SRCAP: variants seen among roughly 807,000 people sequenced by gnomAD.
The protein encoded by SRCAP is Snf2 related CREBBP activator protein.
A neutral mutation model predicts 263.1 loss-of-function variants in SRCAP; 46 were observed. That is an observed-to-expected ratio of 0.17 (90% CI 0.14 to 0.22). The LOEUF is 0.22. Among genes scored for constraint, SRCAP ranks in the 10% least tolerant of loss-of-function variants. The pLI is 1.00. For missense variants in SRCAP, 3,695 were observed against 4,181.9 expected, an observed-to-expected ratio of 0.88 and a Z score of 3.21; for synonymous variants, 1,813 against 1,662.1, an observed-to-expected ratio of 1.09 and a Z score of -2.21.
intron 3 of SRCAP, among the ~76,000 whole-genome samples, chr16:30,703,580 G>A (rs138829955): frequency 3.2e-4 from 49 of 151,908 alleles, no homozygotes; most frequent in African/African-American, 1.1e-3. Flanking sequence ...ACTTGGCTCT[G>A]CCATCTTGAG....
In SRCAP at chr16:30,729,498, C is replaced by T; in HGVS notation, c.6053C>T (p.Ala2018Val). 6.2e-7 allele frequency: 1 copy of T among 1,614,212 alleles called. No individual in the cohort carries two copies. Among genetic ancestry groups the T allele is most frequent in the South Asian group, 1.1e-5 (1 of 91,084 alleles). Residue 2018 changes from alanine to valine, a missense_variant, in exon 27 of 34, where the codon GCT (alanine) becomes GTT (valine). By Grantham distance (64) the Ala-to-Val change is moderately conservative (BLOSUM62 0). This residue lies in a region of SRCAP where 1,347 missense variants were observed against 1,304.4 expected (regional missense o/e 1.03). Coordinates refer to ENST00000262518, the MANE Select transcript of SRCAP (RefSeq NM_006662.3). Reference protein sequence around the residue: ...EQLASELWPRARPLHRIVCNM... With the variant: ...EQLASELWPRVRPLHRIVCNM... ...TTGGCCTCTGAGCTCTGGCCCCGGG[C>T]TCGTCCTTTGCACCGTATTGTGTGT...
chr16:30,734,578 A>T lies in SRCAP; in HGVS notation c.6692A>T (p.Glu2231Val), dbSNP rs1213321146. ...SVPSAPEEEEETVASKQTHIL... is the reference protein window; with the variant it reads ...SVPSAPEEEEVTVASKQTHIL... ...CCCTCTGCCCCTGAAGAGGAGGAAG[A>T]GACTGTGGCCAGCAAGCAGACTCAT... The change falls in exon 31 of 34, where the codon GAG becomes GTG. Residue 2231 changes from glutamate (E) to valine (V), a missense_variant. Physicochemically the swap from Glu to Val is moderately radical, Grantham distance 121. Coordinates refer to ENST00000262518, the MANE Select transcript of SRCAP (RefSeq NM_006662.3). 14 of 1,613,972 alleles carry T rather than the reference A, an allele frequency of 8.7e-6. No individual in the cohort carries two copies.
At position 30,722,580 on chromosome 16, in the gene SRCAP, G is replaced by A. The variant is rs556605523; in HGVS notation, c.3724G>A (p.Val1242Met). The A allele has an allele frequency of 8.7e-6, 14 of 1,613,956 alleles. No individual in the cohort carries two copies. The highest frequency in any genetic ancestry group is 1.3e-5 in the African/African-American group (1 of 74,974). Residue 1242 changes from valine (V) to methionine (M), a missense_variant, in exon 23 of 34, where the codon GTG becomes ATG. Around this residue, in one of 12 missense-constraint regions of SRCAP, gnomAD observed 1,347 missense variants for 1,304.4 expected, o/e 1.03. Transcript: ENST00000262518. ...TAACCCAGGGAATGTGGTGCACCTCGTGTCAGCAGGGGGGCAGCACCATCT... is the reference window on the plus strand; with the variant it reads ...TAACCCAGGGAATGTGGTGCACCTCATGTCAGCAGGGGGGCAGCACCATCT... ...RPLQRNVVHL[V>M]SAGGQHHLIS...
At chr16:30,736,114 G>T in intron 31 of SRCAP, 86 bp from the exon 32 acceptor site, 1 of 1,535,454 alleles carries the variant, frequency 6.5e-7, no homozygotes, top group Non-Finnish European at 8.8e-7. Context: ...GTGTACGCTT[G>T]GTCTCAAGTT....
Position 30,739,347 on chromosome 16 carries a change from G to A in SRCAP, c.9307G>A (p.Gly3103Arg), listed in dbSNP as rs774049834. ...DLDLADSGPG[G>R]LELTPPVVSL... The stretch of plus-strand genomic sequence containing the variant: ...GGACTTAGCAGATAGCGGGCCAGGC[G>A]GGTTGGAATTGACACCACCTGTGGT... Residue 3103 changes from glycine to arginine, a missense_variant, in exon 34 of 34, where the codon GGG (glycine) becomes AGG (arginine). Physicochemically the swap from Gly to Arg is moderately radical, Grantham distance 125. Transcript: ENST00000262518. 36 of 1,614,038 alleles carry A rather than the reference G, an allele frequency of 2.2e-5. No individual in the cohort carries two copies. Among genetic ancestry groups the A allele is most frequent in the Non-Finnish European group, 2.9e-5 (34 of 1,180,008 alleles).
chr16:30,701,624 T>C (rs1335052183), intron 3 of SRCAP, among the ~76,000 whole-genome samples: 2 of 150,808 alleles, frequency 1.3e-5, no homozygotes, highest in Non-Finnish European at 2.9e-5. Flanking sequence ...TTGTTTTCCA[T>C]TTTTTTCTTT....
In SRCAP at chr16:30,710,791, A is replaced by G; in HGVS notation, c.1172A>G (p.Lys391Arg). ...CCCTCTGCTGTCACACAGCGCAACAAACAGCCTTGGCATCCAGATGAAGAT... is the reference window on the plus strand; with the variant it reads ...CCCTCTGCTGTCACACAGCGCAACAGACAGCCTTGGCATCCAGATGAAGAT... Reference protein sequence around the residue: ...PPPSAVTQRNKQPWHPDEDDE... With the variant: ...PPPSAVTQRNRQPWHPDEDDE... Residue 391 changes from lysine (K) to arginine (R), a missense_variant, in exon 9 of 34, where the codon AAA becomes AGA. Around this residue, in one of 12 missense-constraint regions of SRCAP, gnomAD observed 288 missense variants for 302.4 expected, o/e 0.95. Coordinates refer to ENST00000262518, the MANE Select transcript of SRCAP (RefSeq NM_006662.3). 2.5e-6 allele frequency: 4 copies of G among 1,614,152 alleles called. No individual in the cohort carries two copies. The highest frequency in any genetic ancestry group is 1.1e-5 in the South Asian group (1 of 91,078).
At chr16:30,702,873 C>T (rs1017618050) in intron 3 of SRCAP, among the ~76,000 whole-genome samples, 8 of 151,712 alleles carry the variant, frequency 5.3e-5, no homozygotes, top group South Asian at 2.1e-4. Context: ...CAAAGTCCAC[C>T]GAGCCCAGCT....
At position 30,703,149 on chromosome 16, in the gene SRCAP, C is replaced by CTATATATATATATA. The variant is rs368190667; in HGVS notation, c.55-909_55-896dup. Among the ~76,000 whole-genome samples the CTATATATATATATA allele has an allele frequency of 4.0e-3, 572 of 143,344 alleles. 3 individuals are homozygous for CTATATATATATATA. The highest frequency in any genetic ancestry group is 0.014 in the African/African-American group (550 of 38,660). 94.0% of individuals were successfully genotyped at this position (143,344 alleles called of 152,430 possible). On this transcript the variant is annotated intron_variant, in intron 3 of 33. Coordinates refer to ENST00000262518, the MANE Select transcript of SRCAP (RefSeq NM_006662.3). Reference sequence around the variant, plus strand: ...AACGATCAGAATTTGAAATCATATGCTATATATATATATATATATGTATGT... The same window carrying CTATATATATATATA: ...AACGATCAGAATTTGAAATCATATGCTATATATATATATATATATATATATATATATATGTATGT...
At chr16:30,703,958 TTACTC>T in intron 3 of SRCAP, 101 bp from the exon 4 acceptor site, 2 of 1,358,018 alleles carry the variant, frequency 1.5e-6, no homozygotes, top group East Asian at 2.3e-5. Context: ...GGTTTATACC[TTACTC>T]TACACAGTTT....
intron 6 of SRCAP, among the ~76,000 whole-genome samples, chr16:30,708,859 C>A (rs1345696527): frequency 6.6e-6 from 1 of 152,004 alleles, no homozygotes; most frequent in Non-Finnish European, 1.5e-5. Context: ...TCGCTTTGTT[C>A]CCAGGCTGGA....
rs1472337308 is a variant in SRCAP, at chr16:30,700,689, C to T, written c.-136C>T. On this transcript the variant is annotated 5_prime_UTR_variant, in exon 3 of 34. Transcript: ENST00000262518. Reference sequence around the variant, plus strand: ...GGCCCCGGGCCCTGGAAGGCGGGTCCCGGTGGCCGGTGGCCCAGAATGAGG... The same window carrying T: ...GGCCCCGGGCCCTGGAAGGCGGGTCTCGGTGGCCGGTGGCCCAGAATGAGG... The T allele has an allele frequency of 1.3e-5, 10 of 783,624 alleles. No individual in the cohort carries two copies. In the African/African-American group the frequency reaches 1.6e-4, roughly 12 times the overall value. 48.5% of individuals were successfully genotyped at this position (783,624 alleles called of 1,614,324 possible). A position where few individuals can be genotyped will look rare whatever the true frequency, so the allele number is the denominator to read the frequency against.
intron 16 of SRCAP, among the ~76,000 whole-genome samples, chr16:30,714,367 G>A (rs905676286): frequency 8.6e-5 from 13 of 150,842 alleles, no homozygotes; most frequent in African/African-American, 2.2e-4. Context: ...CCCGGCCTAC[G>A]CCCGGCTAAT....
At chr16:30,716,555 T>G in intron 18 of SRCAP, 76 bp downstream of exon 18, 3 of 1,403,802 alleles carry the variant, frequency 2.1e-6, no homozygotes, top group Non-Finnish European at 2.9e-6. Context: ...TTCGTTAGAC[T>G]GGGGTCTGAC....
chr16:30,718,273 T>C (rs1249630655), intron 18 of SRCAP, among the ~76,000 whole-genome samples: 1 of 151,910 alleles, frequency 6.6e-6, no homozygotes, highest in Admixed American at 6.6e-5. Flanking sequence ...GCCTCCCGGG[T>C]TCAAGTGATT....
intron 22 of SRCAP, 81 bp downstream of exon 22, chr16:30,722,367 C>T (rs775173263): frequency 1.3e-6 from 2 of 1,555,462 alleles, no homozygotes; most frequent in Non-Finnish European, 1.7e-6. Context: ...TGAATGTCAG[C>T]CTTTATGTTT....
rs749218220 is a variant in SRCAP at position 30,723,204 on chromosome 16, C to G, written c.4134C>G (p.Val1378=). 3 of 1,612,872 alleles carry G rather than the reference C, an allele frequency of 1.9e-6. No individual in the cohort carries two copies. The East Asian group carries it at 6.7e-5, about 36-fold the overall frequency. The change falls in exon 24 of 34, where the codon GTC becomes GTG. Residue 1378 remains valine, a synonymous_variant. Transcript: ENST00000262518. ...PTLVRPLLKL[V]HSPSPEVSAS... ...TGGTGAGGCCTCTTCTCAAGCTGGT[C>G]CACAGTCCTTCACCTGAAGTCAGTG...
chr16:30,739,771 ACTCC>A lies in SRCAP; in HGVS notation c.*43_*46del. Reference sequence around the variant, plus strand: ...TCCACCTAGGCTTTCCACCGTGGCCACTCCCTCCATGACCAGGCCTGACTCTGTT... The same window carrying A: ...TCCACCTAGGCTTTCCACCGTGGCCACTCCATGACCAGGCCTGACTCTGTT... On this transcript the variant is annotated 3_prime_UTR_variant, in exon 34 of 34. Transcript: ENST00000262518. 1 of 1,449,258 alleles carries A rather than the reference ACTCC, an allele frequency of 6.9e-7. No individual in the cohort carries two copies. The highest frequency in any genetic ancestry group is 9.1e-7 in the Non-Finnish European group (1 of 1,099,024). 89.8% of individuals were successfully genotyped at this position (1,449,258 alleles called of 1,614,324 possible). A position where few individuals can be genotyped will look rare whatever the true frequency, so the allele number is the denominator to read the frequency against.
intron 18 of SRCAP, among the ~76,000 whole-genome samples, chr16:30,717,411 T>G (rs2151290987): frequency 6.6e-6 from 1 of 152,198 alleles, no homozygotes; most frequent in South Asian, 2.1e-4. Flanking sequence ...CTTTTCGCTA[T>G]GTTGATAGTG....
Sources: gnomAD v4.1 joint callset for allele counts (sites outside exome capture counted in the v4.1 genomes callset) on GRCh38, gnomAD v4.1.1 for gene constraint, gnomAD v4.1.1 regional missense constraint, MANE v1.5 for transcripts, NCBI Gene and HGNC (gene_info 2026-07-23, HGNC 2026-07-21) for gene names.